The following DDC variants were observed in gnomAD, a reference collection of about 807,000 sequenced individuals.
DDC encodes dopa decarboxylase.
DDC carries 43 observed loss-of-function variants against 60.0 expected under a neutral mutation model. The observed-to-expected ratio is 0.72, with a 90% CI of 0.56 to 0.92. DDC has a LOEUF of 0.92. DDC is among the 40% of genes least tolerant of loss of function. DDC has a pLI of 0.00. For missense variants in DDC, 573 were observed against 620.2 expected, an observed-to-expected ratio of 0.92 and a Z score of 0.81; for synonymous variants, 232 against 234.6, an observed-to-expected ratio of 0.99 and a Z score of 0.10.
chr7:50,468,451 T>C (rs1385917131), intron 12 of DDC, among the ~76,000 whole-genome samples: 1 of 152,192 alleles, frequency 6.6e-6, no homozygotes, highest in Admixed American at 6.5e-5. Flanking sequence ...AAAAGCTGAA[T>C]TCGTCTCAAA....
chr7:50,489,296 C>T (rs548426275), intron 9 of DDC, among the ~76,000 whole-genome samples: 2 of 152,222 alleles, frequency 1.3e-5, no homozygotes, highest in East Asian at 3.9e-4. Flanking sequence ...CATGAGCCAC[C>T]ACACGCAGCC....
intron 6 of DDC, among the ~76,000 whole-genome samples, chr7:50,522,831 T>TGG (rs143932025): frequency 6.6e-6 from 1 of 152,060 alleles, no homozygotes; most frequent in African/African-American, 2.4e-5. Context: ...GAAGCATGGC[T>TGG]GGGGGGGCCT....
chr7:50,481,227 A>C (rs1362536463), intron 9 of DDC, among the ~76,000 whole-genome samples: 4 of 152,222 alleles, frequency 2.6e-5, no homozygotes, highest in Non-Finnish European at 5.9e-5. Flanking sequence ...TTAAGGTTAA[A>C]GACAGACAAA....
chr7:50,563,248 T>G (rs986427306), intron 1 of DDC, among the ~76,000 whole-genome samples: 35 of 152,150 alleles, frequency 2.3e-4, no homozygotes, highest in Admixed American at 2.0e-4. Context: ...TTAATTGGAT[T>G]GAATTGCAGT....
intron 9 of DDC, chr7:50,492,807 G>T: frequency 6.7e-7 from 1 of 1,489,948 alleles, no homozygotes; most frequent in South Asian, 1.3e-5. Flanking sequence ...TGAACCCCGA[G>T]CGCCGGGGAA....
chr7:50,494,397 G>A (rs374250951), intron 9 of DDC, among the ~76,000 whole-genome samples: 32 of 152,070 alleles, frequency 2.1e-4, no homozygotes, highest in African/African-American at 7.2e-4. Context: ...CCAGCTACTC[G>A]GGAGGCTGAG....
intron 13 of DDC, 118 bp downstream of exon 13, chr7:50,467,096 G>T: frequency 1.0e-6 from 1 of 958,274 alleles, no homozygotes; most frequent in Non-Finnish European, 1.7e-6. Flanking sequence ...AAGAATGCAG[G>T]CTTTGCTCTG....
chr7:50,550,301 A>G (rs760875940), intron 1 of DDC, among the ~76,000 whole-genome samples: 1 of 152,226 alleles, frequency 6.6e-6, no homozygotes, highest in Non-Finnish European at 1.5e-5. Context: ...GCAATACATT[A>G]TTTTTAAATT....
At position 50,537,852 on chromosome 7, in the gene DDC, C is replaced by T; in HGVS notation, c.435+8G>A. 1 of 1,614,160 alleles carries T rather than the reference C, an allele frequency of 6.2e-7. No individual in the cohort carries two copies. The highest frequency in any genetic ancestry group is 8.5e-7 in the Non-Finnish European group (1 of 1,180,030). The stretch of plus-strand genomic sequence containing the variant: ...TCCCAAAAGTGGCCCTCACAGCTCC[C>T]ACCTTACCTGGATCACTCCTCCCCC... On this transcript the variant is annotated splice_region_variant and intron_variant, in intron 4 of 14. Coordinates refer to ENST00000444124, the MANE Select transcript of DDC (RefSeq NM_001082971.2).
intron 7 of DDC, among the ~76,000 whole-genome samples, chr7:50,499,486 C>T (rs1408352875): frequency 1.3e-5 from 2 of 152,202 alleles, no homozygotes; most frequent in African/African-American, 2.4e-5. Context: ...GTTTTCTCTC[C>T]TGACCCTGGC....
At chr7:50,470,543 G>A (rs1400826227) in intron 11 of DDC, among the ~76,000 whole-genome samples, 1 of 152,230 alleles carries the variant, frequency 6.6e-6, no homozygotes, top group Non-Finnish European at 1.5e-5. Context: ...CATCCAGTGG[G>A]GATAAGGGGG....
chr7:50,504,469 G>A (rs1312985900), intron 6 of DDC, among the ~76,000 whole-genome samples: 1 of 150,864 alleles, frequency 6.6e-6, no homozygotes, highest in Non-Finnish European at 1.5e-5. Flanking sequence ...TTTAATTAAC[G>A]TTCTATGTAA....
chr7:50,496,555 G>T (rs890486508), intron 8 of DDC, among the ~76,000 whole-genome samples: 1 of 152,112 alleles, frequency 6.6e-6, no homozygotes, highest in East Asian at 1.9e-4. Context: ...ACCAAGAGTG[G>T]CAGAGGAGGA....
chr7:50,551,346 T>G (rs1216353033), intron 1 of DDC, among the ~76,000 whole-genome samples: 1 of 151,888 alleles, frequency 6.6e-6, no homozygotes, highest in African/African-American at 2.4e-5. Context: ...TTCTCCCGCC[T>G]TGACCTCCTG....
chr7:50,521,458 CAAG>C (rs2043887746), intron 6 of DDC, among the ~76,000 whole-genome samples: 2 of 152,152 alleles, frequency 1.3e-5, no homozygotes, highest in South Asian at 2.1e-4. Context: ...AAAGACATTG[CAAG>C]AAGGAAAACT....
At chr7:50,502,488 A>G (rs971721896) in intron 7 of DDC, among the ~76,000 whole-genome samples, 9 of 152,222 alleles carry the variant, frequency 5.9e-5, no homozygotes, top group Non-Finnish European at 1.2e-4. Context: ...TCTTAGCCTG[A>G]CATCTGAGTC....
intron 1 of DDC, among the ~76,000 whole-genome samples, chr7:50,551,848 G>A (rs574205055): frequency 5.8e-4 from 88 of 152,168 alleles, no homozygotes; most frequent in Admixed American, 1.3e-3. Context: ...GTGACTATTA[G>A]CAATGCCTTT....
At chr7:50,532,840 G>T (rs2044263882) in intron 4 of DDC, among the ~76,000 whole-genome samples, 2 of 152,194 alleles carry the variant, frequency 1.3e-5, no homozygotes, top group Non-Finnish European at 2.9e-5. Flanking sequence ...ACCTAGAAAT[G>T]CTTCAATTTT....
At chr7:50,559,428 CTTTTT>C (rs60591197) in intron 1 of DDC, among the ~76,000 whole-genome samples, 6 of 143,314 alleles carry the variant, frequency 4.2e-5, no homozygotes, top group East Asian at 4.1e-4. Context: ...CAGAACATTT[CTTTTT>C]TTTTTTTTTT....
Sources: allele counts gnomAD v4.1 joint callset (sites outside exome capture counted in the v4.1 genomes callset), GRCh38; gene constraint gnomAD v4.1.1; transcripts MANE v1.5; gene names NCBI Gene and HGNC (gene_info 2026-07-23, HGNC 2026-07-21).